PHF13: variants seen among roughly 807,000 people sequenced by gnomAD.
PHF13 encodes PHD zinc finger protein PHF5.
PHF13 carries 1 observed loss-of-function variant against 25.8 expected under a neutral mutation model. That is an observed-to-expected ratio of 0.04 (90% CI 0.01 to 0.18). PHF13 has a LOEUF of 0.18. PHF13 is among the 10% of genes least tolerant of loss of function. PHF13 has a pLI of 1.00. For missense variants in PHF13, 306 were observed against 403.2 expected (o/e 0.76, Z 2.06); for synonymous variants, 195 against 162.4 (o/e 1.20, Z -1.53).
At position 6,623,018 on chromosome 1, in the gene PHF13, GTTTC is replaced by G. The variant is rs1641364441; in HGVS notation, c.*1385_*1388del. The G allele has an allele frequency of 6.6e-6, 1 of 152,230 alleles. No individual in the cohort carries two copies. Among genetic ancestry groups the G allele is most frequent in the South Asian group, 2.1e-4 (1 of 4,824 alleles). 9.4% of individuals were successfully genotyped at this position (152,230 alleles called of 1,614,324 possible). On this transcript the variant is annotated 3_prime_UTR_variant, in exon 4 of 4. Coordinates refer to ENST00000377648, the MANE Select transcript of PHF13 (RefSeq NM_153812.3). Reference sequence around the variant, plus strand: ...TGATTGGTAGGTTTTCATAAGCATTGTTTCTTTAAGGCATGGAAAGGGAAGAATG... The same window carrying G: ...TGATTGGTAGGTTTTCATAAGCATTGTTTAAGGCATGGAAAGGGAAGAATG...
chr1:6,617,068 G>A (rs1641272598), intron 2 of PHF13, among the ~76,000 whole-genome samples: 1 of 152,206 alleles, frequency 6.6e-6, no homozygotes, highest in South Asian at 2.1e-4. Flanking sequence ...AAAAACTCTG[G>A]TAGAAAATGC....
chr1:6,615,097 G>T (rs1033140819), intron 1 of PHF13, among the ~76,000 whole-genome samples: 1 of 145,420 alleles, frequency 6.9e-6, no homozygotes, highest in Non-Finnish European at 1.5e-5. Context: ...GCGGGTGGGG[G>T]CCGCTCCGCC....
At chr1:6,615,585 C>G (rs893272328) in intron 1 of PHF13, among the ~76,000 whole-genome samples, 3 of 152,180 alleles carry the variant, frequency 2.0e-5, no homozygotes, top group Non-Finnish European at 4.4e-5. Context: ...AGCAGAGTGG[C>G]GGCCGGGTAA....
chr1:6,616,166 C>G (rs1252134306), intron 1 of PHF13, among the ~76,000 whole-genome samples: 1 of 151,020 alleles, frequency 6.6e-6, no homozygotes, highest in Non-Finnish European at 1.5e-5. Flanking sequence ...GTAGTTGGGA[C>G]TACAGGTGCA....
At position 6,622,391 on chromosome 1, in the gene PHF13, A is replaced by G. The variant is rs532707619; in HGVS notation, c.*754A>G. 4 of 153,116 alleles carry G rather than the reference A, an allele frequency of 2.6e-5. No homozygotes were observed. The South Asian group carries it at 8.3e-4, about 32-fold the overall frequency. 9.5% of individuals were successfully genotyped at this position (153,116 alleles called of 1,614,324 possible). On this transcript the variant is annotated 3_prime_UTR_variant, in exon 4 of 4. Transcript: ENST00000377648. The stretch of plus-strand genomic sequence containing the variant: ...CCCTGTCTTTTTGCACGATACAGCC[A>G]AAAGTATTGGCTGATTTCTTGCTGA...
chr1:6,613,962 C>G lies in PHF13; in HGVS notation c.-105C>G. 1.4e-6 allele frequency: 1 copy of G among 705,260 alleles called. No homozygotes were observed. Among genetic ancestry groups the G allele is most frequent in the Non-Finnish European group, 2.3e-6 (1 of 433,238 alleles). 43.7% of individuals were successfully genotyped at this position (705,260 alleles called of 1,614,324 possible). ...CCAGCCCGGGCGACCCCTCCCGGGT[C>G]CGCCCTCGCCCTGCGCAGCCGCCCG... On this transcript the variant is annotated 5_prime_UTR_variant, in exon 1 of 4. Coordinates refer to ENST00000377648, the MANE Select transcript of PHF13 (RefSeq NM_153812.3).
chr1:6,615,089 G>T (rs1641239560), intron 1 of PHF13, among the ~76,000 whole-genome samples: 1 of 151,324 alleles, frequency 6.6e-6, no homozygotes. Flanking sequence ...GCGGGAGGGC[G>T]GGTGGGGGCC....
Position 6,613,866 on chromosome 1 carries a change from C to T in PHF13, c.-201C>T, listed in dbSNP as rs1641208109. The T allele has an allele frequency of 1.2e-5, 6 of 495,770 alleles. No individual in the cohort carries two copies. The highest frequency in any genetic ancestry group is 5.1e-5 in the South Asian group (2 of 39,460). The allele number at this position is 495,770 out of a possible 1,614,324, so 30.7% of individuals were successfully genotyped here. On this transcript the variant is annotated 5_prime_UTR_variant, in exon 1 of 4. Transcript: ENST00000377648. ...GCCGCGGGAGCTGCATCGTCCACTC[C>T]GGTCGGCGGTGGAACCGCCAGTCCG...
At position 6,623,747 on chromosome 1, in the gene PHF13, G is replaced by C. The variant is rs953459763; in HGVS notation, c.*2110G>C. Reference sequence around the variant, plus strand: ...TTTTTGTGTTAGATTGAGCTGGGCAGCTGCAATCAGCTTCTTTATATGCAA... The same window carrying C: ...TTTTTGTGTTAGATTGAGCTGGGCACCTGCAATCAGCTTCTTTATATGCAA... On this transcript the variant is annotated 3_prime_UTR_variant, in exon 4 of 4. Coordinates refer to ENST00000377648, the MANE Select transcript of PHF13 (RefSeq NM_153812.3). The C allele has an allele frequency of 1.3e-5, 2 of 152,648 alleles. No individual in the cohort carries two copies. The highest frequency in any genetic ancestry group is 4.8e-5 in the African/African-American group (2 of 41,460). The allele number at this position is 152,648 out of a possible 1,614,324, so 9.5% of individuals were successfully genotyped here. A position where few individuals can be genotyped will look rare whatever the true frequency, so the allele number is the denominator to read the frequency against.
chr1:6,623,923 T>C lies in PHF13; in HGVS notation c.*2286T>C, dbSNP rs1641390362. The C allele has an allele frequency of 6.5e-6, 1 of 152,686 alleles. No homozygotes were observed. Among genetic ancestry groups the C allele is most frequent in the Non-Finnish European group, 1.5e-5 (1 of 68,040 alleles). 9.5% of individuals were successfully genotyped at this position (152,686 alleles called of 1,614,324 possible). A position where few individuals can be genotyped will look rare whatever the true frequency, so the allele number is the denominator to read the frequency against. On this transcript the variant is annotated 3_prime_UTR_variant, in exon 4 of 4. Transcript: ENST00000377648. ...TGGTTCTGTGTAATTTTAAAGTTTATGTGTATAAAGCGAAGCTGTTTCTGT... is the reference window on the plus strand; with the variant it reads ...TGGTTCTGTGTAATTTTAAAGTTTACGTGTATAAAGCGAAGCTGTTTCTGT...
In PHF13 at chr1:6,621,213, AAAGT is replaced by A. The variant is rs772433194; in HGVS notation, c.677-194_677-191del. On this transcript the variant is annotated intron_variant, in intron 3 of 3. Transcript: ENST00000377648. The surrounding 1 kb of genome is among the most constrained non-coding windows in gnomAD (Gnocchi z 4.8). ...ACCCTGTCTTAGGGAAAAAAAAAAA[AAAGT>A]AAGCATCTCCTGGGTAATACCTGGT... Among the ~76,000 whole-genome samples the A allele has an allele frequency of 4.6e-5, 7 of 151,752 alleles. No homozygotes were observed. The highest frequency in any genetic ancestry group is 9.7e-5 in the African/African-American group (4 of 41,252).
chr1:6,616,909 G>A, intron 2 of PHF13, 51 bp downstream of exon 2: 1 of 1,511,580 alleles, frequency 6.6e-7, no homozygotes, highest in Non-Finnish European at 9.2e-7. Flanking sequence ...CAAACCCAGT[G>A]CCTCCACCGC....
rs1454774464 is a variant in PHF13, at chr1:6,613,749, C to G, written c.-318C>G. The G allele has an allele frequency of 2.4e-5, 5 of 206,716 alleles. No individual in the cohort carries two copies. The highest frequency in any genetic ancestry group is 3.9e-5 in the Non-Finnish European group (4 of 101,578). The allele number at this position is 206,716 out of a possible 1,614,324, so 12.8% of individuals were successfully genotyped here. ...CTCTCCCGCCCTCCCTCCCGAGACA[C>G]GAGCCGAACTGGGCGTCAGGTCGGG... On this transcript the variant is annotated 5_prime_UTR_variant, in exon 1 of 4. Coordinates refer to ENST00000377648, the MANE Select transcript of PHF13 (RefSeq NM_153812.3).
chr1:6,615,334 G>A (rs1447982196), intron 1 of PHF13, among the ~76,000 whole-genome samples: 1 of 152,190 alleles, frequency 6.6e-6, no homozygotes, highest in Non-Finnish European at 1.5e-5. Context: ...GGTTCCCGTG[G>A]CTGGGCAGGC....
intron 1 of PHF13, 85 bp downstream of exon 1, chr1:6,614,190 C>G: frequency 2.3e-6 from 3 of 1,297,228 alleles, no homozygotes; most frequent in Non-Finnish European, 1.1e-6. Flanking sequence ...CCCGGTCGCC[C>G]GGAGCGCCGC....
rs765543402 is a variant in PHF13, at chr1:6,620,115, CCCA to C, written c.456_458del (p.Thr153del). On this transcript the variant is annotated inframe_deletion, in exon 3 of 4. Transcript: ENST00000377648. ...AGCCGCTGACCCCTACGTGGAGACC[CCCA>C]CGAGTCCCACCTTGCAGGATATCCC... 1 of 1,613,556 alleles carries C rather than the reference CCCA, an allele frequency of 6.2e-7. No individual in the cohort carries two copies. The highest frequency in any genetic ancestry group is 8.5e-7 in the Non-Finnish European group (1 of 1,180,004).
Position 6,620,133 on chromosome 1 carries a change from C to G in PHF13, c.472C>G (p.Gln158Glu). Residue 158 changes from glutamine (Q) to glutamate (E), a missense_variant, in exon 3 of 4, where the codon CAG becomes GAG. Around this residue, in one of 5 missense-constraint regions of PHF13, gnomAD observed 186 missense variants for 164.0 expected, o/e 1.13. Transcript: ENST00000377648. ...GGAGACCCCCACGAGTCCCACCTTG[C>G]AGGATATCCCCCAGGCTCCCAGCGA... Reference protein sequence around the residue: ...YVETPTSPTLQDIPQAPSDPC... With the variant: ...YVETPTSPTLEDIPQAPSDPC... 6.2e-7 allele frequency: 1 copy of G among 1,613,754 alleles called. No individual in the cohort carries two copies. The highest frequency in any genetic ancestry group is 1.3e-5 in the African/African-American group (1 of 75,032).
At chr1:6,615,704 C>G (rs926244232) in intron 1 of PHF13, among the ~76,000 whole-genome samples, 1 of 152,178 alleles carries the variant, frequency 6.6e-6, no homozygotes, top group Non-Finnish European at 1.5e-5. Context: ...TGCTTAGGAG[C>G]AAATAAGAGC....
At chr1:6,616,240 G>A (rs944183314) in intron 1 of PHF13, among the ~76,000 whole-genome samples, 20 of 151,910 alleles carry the variant, frequency 1.3e-4, no homozygotes, top group Non-Finnish European at 2.5e-4. Context: ...TGTTGGTCAG[G>A]CTGGTCTCGA....
Sources: gnomAD v4.1 joint callset for allele counts (sites outside exome capture counted in the v4.1 genomes callset) on GRCh38, gnomAD v4.1.1 for gene constraint, gnomAD v4.1.1 regional missense constraint, Gnocchi (gnomAD v3.1) non-coding constraint, MANE v1.5 for transcripts, NCBI Gene and HGNC (gene_info 2026-07-23, HGNC 2026-07-21) for gene names.